The following CNTNAP2 variants were observed in gnomAD, a reference collection of about 807,000 sequenced individuals.
The protein encoded by CNTNAP2 is contactin associated protein 2, also known as contactin-associated protein-like 2.
CNTNAP2 carries 98 observed loss-of-function variants against 155.2 expected under a neutral mutation model. The observed-to-expected ratio is 0.63, with a 90% confidence interval of 0.54 to 0.75. CNTNAP2 has a LOEUF of 0.75. Ranked by LOEUF, CNTNAP2 falls within the 30% of genes least tolerant of loss-of-function variation. The pLI is 0.00. For missense variants in CNTNAP2, 1,727 were observed against 1,688.1 expected (o/e 1.02, Z -0.40); for synonymous variants, 651 against 631.2 (o/e 1.03, Z -0.47).
chr7:147,780,723 T>G (rs1417375847), intron 13 of CNTNAP2, among the ~76,000 whole-genome samples: 1 of 152,158 alleles, frequency 6.6e-6, no homozygotes, highest in Non-Finnish European at 1.5e-5. Context: ...TTTTCTTCAC[T>G]CCTCTCCTAG....
intron 8 of CNTNAP2, among the ~76,000 whole-genome samples, chr7:147,263,643 T>G (rs1175033793): frequency 6.6e-6 from 1 of 152,180 alleles, no homozygotes; most frequent in Non-Finnish European, 1.5e-5. Context: ...CAGTATATGA[T>G]TTCAGTGTCT....
At chr7:147,853,082 C>G (rs1798978002) in intron 13 of CNTNAP2, among the ~76,000 whole-genome samples, 1 of 152,184 alleles carries the variant, frequency 6.6e-6, no homozygotes. Context: ...GGCAGTAAGG[C>G]TGTGCTACTC....
chr7:147,959,359 C>G (rs2116840675), intron 14 of CNTNAP2, among the ~76,000 whole-genome samples: 1 of 152,176 alleles, frequency 6.6e-6, no homozygotes, highest in East Asian at 1.9e-4. Flanking sequence ...ACACTGAATC[C>G]AGCTCAAGTA....
At chr7:147,912,592 A>C (rs1253602756) in intron 14 of CNTNAP2, among the ~76,000 whole-genome samples, 1 of 152,182 alleles carries the variant, frequency 6.6e-6, no homozygotes, top group Non-Finnish European at 1.5e-5. Context: ...GAAACTTGCA[A>C]CTGCTTCCTG....
At chr7:147,001,529 G>A (rs1798422285) in intron 3 of CNTNAP2, among the ~76,000 whole-genome samples, 1 of 151,978 alleles carries the variant, frequency 6.6e-6, no homozygotes, top group African/African-American at 2.4e-5. Flanking sequence ...CTATAAAGAA[G>A]GCTTGGTGCT....
intron 1 of CNTNAP2, among the ~76,000 whole-genome samples, chr7:146,449,060 T>C (rs967879733): frequency 6.6e-6 from 1 of 152,134 alleles, no homozygotes; most frequent in African/African-American, 2.4e-5. Context: ...ATTGATACCA[T>C]TCTTTCTTCT....
chr7:147,627,381 G>A (rs1189968061), intron 12 of CNTNAP2, among the ~76,000 whole-genome samples: 1 of 152,094 alleles, frequency 6.6e-6, no homozygotes, highest in Non-Finnish European at 1.5e-5. Flanking sequence ...AGATACCAGA[G>A]AAAGGTGAAA....
chr7:146,931,000 C>T (rs1796741658), intron 3 of CNTNAP2, among the ~76,000 whole-genome samples: 1 of 152,074 alleles, frequency 6.6e-6, no homozygotes, highest in African/African-American at 2.4e-5. Flanking sequence ...GACTTTAACA[C>T]CCCACTGTCA....
intron 20 of CNTNAP2, among the ~76,000 whole-genome samples, chr7:148,266,707 C>A (rs968439282): frequency 6.6e-6 from 1 of 152,138 alleles, no homozygotes; most frequent in Non-Finnish European, 1.5e-5. Context: ...GAGGCTGACA[C>A]TGGAGATTGG....
At chr7:146,708,571 GA>G (rs35109376) in intron 1 of CNTNAP2, among the ~76,000 whole-genome samples, 18,081 of 72,836 alleles carry the variant, frequency 0.25, 4,481 homozygotes, top group African/African-American at 0.61. Flanking sequence ...CTCTGTTTAA[GA>G]AAAAAAAAAA....
chr7:146,687,843 AGTT>A (rs1464000747), intron 1 of CNTNAP2, among the ~76,000 whole-genome samples: 2 of 152,166 alleles, frequency 1.3e-5, no homozygotes, highest in Admixed American at 1.3e-4. Flanking sequence ...GGATAAGCCC[AGTT>A]GTTTTGCAGT....
intron 15 of CNTNAP2, among the ~76,000 whole-genome samples, chr7:148,052,143 C>CAAAA (rs750104789): frequency 1.0e-5 from 1 of 96,942 alleles, no homozygotes; most frequent in African/African-American, 4.2e-5. Context: ...ACTCCGTCTC[C>CAAAA]AAAAAAAAAA....
At chr7:148,413,912 C>T (rs1799913659) in intron 23 of CNTNAP2, among the ~76,000 whole-genome samples, 1 of 152,054 alleles carries the variant, frequency 6.6e-6, no homozygotes, top group Non-Finnish European at 1.5e-5. Flanking sequence ...TTTTCCCACC[C>T]TTTTACTGTT....
chr7:146,661,726 TTCTTTC>T lies in CNTNAP2; in HGVS notation c.98-112543_98-112538del, dbSNP rs1420608198. Among the ~76,000 whole-genome samples, 327 of 74,550 alleles carry T rather than the reference TTCTTTC, an allele frequency of 4.4e-3. 1 individual carries two copies. Among genetic ancestry groups the T allele is most frequent in the African/African-American group, 0.013 (311 of 23,176 alleles). 48.9% of individuals were successfully genotyped at this position (74,550 alleles called of 152,430 possible). A position where few individuals can be genotyped will look rare whatever the true frequency, so the allele number is the denominator to read the frequency against. The stretch of plus-strand genomic sequence containing the variant: ...AGAGTTTTTCTTTTTCTTTCTTTCT[TTCTTTC>T]TTTTTTTTTTTTAAATAAAGCTGCA... On this transcript the variant is annotated intron_variant, in intron 1 of 23. Transcript: ENST00000361727.
intron 13 of CNTNAP2, among the ~76,000 whole-genome samples, chr7:147,646,394 C>T (rs1795364045): frequency 6.6e-6 from 1 of 152,086 alleles, no homozygotes; most frequent in African/African-American, 2.4e-5. Context: ...AGTGTAAAAT[C>T]CTTTTAACTG....
intron 1 of CNTNAP2, among the ~76,000 whole-genome samples, chr7:146,528,832 T>G (rs1797727980): frequency 6.6e-6 from 1 of 152,070 alleles, no homozygotes; most frequent in East Asian, 1.9e-4. Context: ...GACAGTGATA[T>G]GCAGGATGAG....
At chr7:147,383,878 C>T (rs927551887) in intron 9 of CNTNAP2, among the ~76,000 whole-genome samples, 16 of 151,826 alleles carry the variant, frequency 1.1e-4, no homozygotes, top group African/African-American at 3.6e-4. Context: ...ACAAACACAG[C>T]CCCCCCAACA....
chr7:146,987,071 A>G (rs1447395567), intron 3 of CNTNAP2, among the ~76,000 whole-genome samples: 1 of 152,166 alleles, frequency 6.6e-6, no homozygotes, highest in Non-Finnish European at 1.5e-5. Context: ...AAGAACCTGG[A>G]ACACAGGCAA....
At chr7:146,936,387 A>G (rs1169357699) in intron 3 of CNTNAP2, among the ~76,000 whole-genome samples, 4 of 152,160 alleles carry the variant, frequency 2.6e-5, no homozygotes, top group Non-Finnish European at 5.9e-5. Flanking sequence ...AGGAGGTACC[A>G]TCTACTCAAT....
Sources: gnomAD v4.1 joint callset for allele counts (sites outside exome capture counted in the v4.1 genomes callset) on GRCh38, gnomAD v4.1.1 for gene constraint, MANE v1.5 for transcripts, NCBI Gene and HGNC (gene_info 2026-07-23, HGNC 2026-07-21) for gene names.